Variants in CSTPP1 observed in about 807,000 individuals in gnomAD.
CSTPP1 encodes UPF0705 protein C11orf49.
At chr11:47,005,646 T>C in the CSTPP1 span, among the ~76,000 whole-genome samples, 1 of 152,096 alleles carries the variant, frequency 6.6e-6, no homozygotes, top group Non-Finnish European at 1.5e-5. Flanking sequence ...CACCATAACA[T>C]AGTGGTTAAG....
the CSTPP1 span, chr11:46,948,049 T>G: frequency 2.2e-6 from 1 of 456,240 alleles, no homozygotes; most frequent in South Asian, 1.5e-5. Context: ...AATAACACTT[T>G]TGAATGTAAG....
the CSTPP1 span, among the ~76,000 whole-genome samples, chr11:47,007,470 A>T: frequency 6.6e-6 from 1 of 152,124 alleles, no homozygotes; most frequent in Non-Finnish European, 1.5e-5. Flanking sequence ...GTATTTTTTT[A>T]GTTCAAGTAT....
the CSTPP1 span, among the ~76,000 whole-genome samples, chr11:46,966,705 T>C: frequency 6.6e-6 from 1 of 152,248 alleles, no homozygotes; most frequent in African/African-American, 2.4e-5. Flanking sequence ...AGAAATTTTT[T>C]ATGCATACTT....
the CSTPP1 span, among the ~76,000 whole-genome samples, chr11:47,086,740 T>A: frequency 1.3e-5 from 2 of 152,102 alleles, no homozygotes; most frequent in Non-Finnish European, 2.9e-5. Context: ...CTTCATAGAG[T>A]AGTCCTGATG....
the CSTPP1 span, among the ~76,000 whole-genome samples, chr11:46,978,564 C>T: frequency 6.6e-6 from 1 of 152,216 alleles, no homozygotes; most frequent in Non-Finnish European, 1.5e-5. Context: ...TCTGTCTAGT[C>T]TATGTTGTTC....
chr11:46,980,735 T>C, the CSTPP1 span, among the ~76,000 whole-genome samples: 2 of 152,082 alleles, frequency 1.3e-5, no homozygotes, highest in Non-Finnish European at 2.9e-5. Flanking sequence ...ATTTGTGACA[T>C]GTATAGAATT....
the CSTPP1 span, among the ~76,000 whole-genome samples, chr11:46,959,908 C>G: frequency 2.0e-5 from 3 of 149,482 alleles, no homozygotes; most frequent in African/African-American, 7.5e-5. Flanking sequence ...TCTCTGTAAC[C>G]CAGGCTGGAA....
the CSTPP1 span, among the ~76,000 whole-genome samples, chr11:47,038,670 G>A: frequency 5.2e-4 from 64 of 123,052 alleles, 1 homozygote; most frequent in African/African-American, 1.6e-3. Context: ...GTGGCTGGCC[G>A]GGCGGGGGGC....
At chr11:47,093,740 A>G in the CSTPP1 span, among the ~76,000 whole-genome samples, 1 of 152,226 alleles carries the variant, frequency 6.6e-6, no homozygotes, top group African/African-American at 2.4e-5. Context: ...GGCAAATAAC[A>G]GTACAGCCTC....
At chr11:47,161,505 G>C in the CSTPP1 span, 1 of 1,614,154 alleles carries the variant, frequency 6.2e-7, no homozygotes, top group East Asian at 2.2e-5. Flanking sequence ...GTCACAGCCA[G>C]TCCAGAGGCC....
the CSTPP1 span, among the ~76,000 whole-genome samples, chr11:46,961,868 C>T: frequency 3.3e-5 from 5 of 152,056 alleles, no homozygotes; most frequent in African/African-American, 1.2e-4. Context: ...TCTCACACTG[C>T]TAATAAAGAC....
chr11:47,082,750 A>G, the CSTPP1 span, among the ~76,000 whole-genome samples: 3 of 151,994 alleles, frequency 2.0e-5, no homozygotes, highest in African/African-American at 4.8e-5. Flanking sequence ...GTCCTAGGCA[A>G]CCACTAACCT....
chr11:47,152,242 C>CA, the CSTPP1 span, among the ~76,000 whole-genome samples: 6,411 of 136,136 alleles, frequency 0.047, 181 homozygotes, highest in South Asian at 0.17. Context: ...GAGCAAGACT[C>CA]AAAAAAAAAA....
chr11:47,035,821 T>A, the CSTPP1 span, among the ~76,000 whole-genome samples: 3 of 151,976 alleles, frequency 2.0e-5, no homozygotes, highest in East Asian at 1.9e-4. Flanking sequence ...GAGTTTTTTT[T>A]AAATTGCTGA....
the CSTPP1 span, among the ~76,000 whole-genome samples, chr11:47,099,037 A>T: frequency 6.8e-6 from 1 of 147,038 alleles, no homozygotes; most frequent in African/African-American, 2.5e-5. Context: ...GTTCTCCATT[A>T]AAAAAAAAAG....
At chr11:47,118,923 C>T in the CSTPP1 span, among the ~76,000 whole-genome samples, 1 of 152,248 alleles carries the variant, frequency 6.6e-6, no homozygotes, top group Non-Finnish European at 1.5e-5. Context: ...CAGGGATCCA[C>T]TTGAGGAGGC....
the CSTPP1 span, among the ~76,000 whole-genome samples, chr11:47,116,620 A>G: frequency 2.1e-4 from 30 of 145,198 alleles, no homozygotes; most frequent in Admixed American, 1.9e-3. Context: ...AGCCTGTTTT[A>G]TCAGAGACTA....
the CSTPP1 span, chr11:47,162,214 G>A: frequency 1.0e-6 from 1 of 985,376 alleles, no homozygotes; most frequent in Non-Finnish European, 1.2e-6. Flanking sequence ...AAACAAACAT[G>A]TGAAACGAAT....
chr11:47,035,862 GA>G, the CSTPP1 span, among the ~76,000 whole-genome samples: 2 of 149,742 alleles, frequency 1.3e-5, no homozygotes. Flanking sequence ...TATATTTATT[GA>G]AAAAAAATCC....
Sources: allele counts gnomAD v4.1 joint callset (sites outside exome capture counted in the v4.1 genomes callset), GRCh38; gene constraint gnomAD v4.1.1; transcripts MANE v1.5; gene names NCBI Gene and HGNC (gene_info 2026-07-23, HGNC 2026-07-21).